Variants in ASIC2 observed in about 807,000 individuals in gnomAD.
ASIC2 encodes the protein acid-sensing ion channel 2.
In ASIC2, 25 loss-of-function variants were observed where a neutral mutation model predicts 57.3. The observed-to-expected ratio is 0.44, with a 90% CI of 0.32 to 0.61. The LOEUF is 0.61. ASIC2 is among the 20% of genes least tolerant of loss of function. ASIC2 has a pLI of 0.06. For missense variants in ASIC2, 641 were observed against 738.1 expected (o/e 0.87, Z 1.52); for synonymous variants, 319 against 307.5 (o/e 1.04, Z -0.39).
At chr17:33,902,819 G>A (rs771769993) in intron 1 of ASIC2, among the ~76,000 whole-genome samples, 4 of 152,132 alleles carry the variant, frequency 2.6e-5, no homozygotes, top group Non-Finnish European at 5.9e-5. Flanking sequence ...TAGAAATTCA[G>A]CCAGAACTGT....
chr17:33,959,014 C>A (rs1237252956), intron 1 of ASIC2, among the ~76,000 whole-genome samples: 1 of 152,138 alleles, frequency 6.6e-6, no homozygotes, highest in Non-Finnish European at 1.5e-5. Context: ...AAAAGCATAA[C>A]AAGAGTGACC....
rs1915186978 is a variant in ASIC2, at chr17:33,899,605, T to C, written c.555+256373A>G. On this transcript the variant is annotated intron_variant, in intron 1 of 9. Transcript: ENST00000359872. ...GAGAGAGATTGGACGTGTGATTATGTGGACTACCTCTGATAAAGAGGTCTA... is the reference window on the plus strand; with the variant it reads ...GAGAGAGATTGGACGTGTGATTATGCGGACTACCTCTGATAAAGAGGTCTA... Among the ~76,000 whole-genome samples the C allele has an allele frequency of 2.0e-5, 3 of 152,136 alleles. 1 individual carries two copies. In the South Asian group the frequency reaches 6.2e-4, roughly 31 times the overall value.
At chr17:33,218,121 TA>T (rs1450611148) in intron 1 of ASIC2, among the ~76,000 whole-genome samples, 1 of 152,254 alleles carries the variant, frequency 6.6e-6, no homozygotes, top group East Asian at 1.9e-4. Flanking sequence ...TGTTTTTATT[TA>T]AAATAAATCG....
At chr17:33,662,653 AAATAAATAAATAAAT>A (rs1354793837) in intron 1 of ASIC2, among the ~76,000 whole-genome samples, 10 of 144,774 alleles carry the variant, frequency 6.9e-5, no homozygotes, top group African/African-American at 1.3e-4. Flanking sequence ...ATAAATAAAT[AAATAAATAAATAAAT>A]AAGTAAAATA....
chr17:33,701,823 T>C (rs1908710531), intron 1 of ASIC2, among the ~76,000 whole-genome samples: 1 of 152,268 alleles, frequency 6.6e-6, no homozygotes, highest in South Asian at 2.1e-4. Flanking sequence ...AATGTCTTTT[T>C]GCAAAGAATA....
chr17:33,013,813 G>A lies in ASIC2; in HGVS notation c.*152C>T. On this transcript the variant is annotated 3_prime_UTR_variant, in exon 10 of 10. Coordinates refer to ENST00000225823, the MANE Select transcript of ASIC2 (RefSeq NM_183377.2). ...ATGCGTCGTGTTGGACGTGGCCGGAGCGAGGTCTAGGCAGCTAGTCTGCAA... is the reference window on the plus strand; with the variant it reads ...ATGCGTCGTGTTGGACGTGGCCGGAACGAGGTCTAGGCAGCTAGTCTGCAA... 1.5e-6 allele frequency: 1 copy of A among 686,610 alleles called. No individual in the cohort carries two copies. The highest frequency in any genetic ancestry group is 2.6e-6 in the Non-Finnish European group (1 of 391,742). 42.5% of individuals were successfully genotyped at this position (686,610 alleles called of 1,614,324 possible).
At chr17:33,261,386 T>G (rs1909274394) in intron 1 of ASIC2, among the ~76,000 whole-genome samples, 1 of 152,224 alleles carries the variant, frequency 6.6e-6, no homozygotes, top group Non-Finnish European at 1.5e-5. Flanking sequence ...TCCCTGGTGC[T>G]AGGTGCTGGG....
chr17:33,240,864 A>G (rs1464856269), intron 1 of ASIC2, among the ~76,000 whole-genome samples: 2 of 152,140 alleles, frequency 1.3e-5, no homozygotes, highest in African/African-American at 2.4e-5. Flanking sequence ...AGCAAAGCAA[A>G]CAAACAAACA....
At chr17:34,132,360 G>A (rs1048782905) in intron 1 of ASIC2, among the ~76,000 whole-genome samples, 5 of 152,166 alleles carry the variant, frequency 3.3e-5, no homozygotes, top group East Asian at 1.9e-4. Flanking sequence ...CTTCCACAGC[G>A]TGGAAGGACA....
chr17:33,096,007 A>G (rs974117089), intron 2 of ASIC2, among the ~76,000 whole-genome samples: 2 of 152,214 alleles, frequency 1.3e-5, no homozygotes, highest in Non-Finnish European at 2.9e-5. Flanking sequence ...ACCACTGTCA[A>G]GCACCTGCTG....
intron 1 of ASIC2, among the ~76,000 whole-genome samples, chr17:33,574,946 T>G (rs1916570682): frequency 6.6e-6 from 1 of 151,828 alleles, no homozygotes; most frequent in Non-Finnish European, 1.5e-5. Flanking sequence ...CCAAGGACAC[T>G]CAACCAATAA....
chr17:33,901,572 T>G (rs1414064402), intron 1 of ASIC2, among the ~76,000 whole-genome samples: 1 of 152,218 alleles, frequency 6.6e-6, no homozygotes, highest in Non-Finnish European at 1.5e-5. Flanking sequence ...ACACAGTTCC[T>G]GCAAAGCCAC....
chr17:34,099,235 AAG>A (rs761750777), intron 1 of ASIC2, among the ~76,000 whole-genome samples: 70 of 148,962 alleles, frequency 4.7e-4, no homozygotes, highest in African/African-American at 1.4e-3. Flanking sequence ...AGAAAAAAGA[AAG>A]AGAGAAAGGA....
intron 1 of ASIC2, among the ~76,000 whole-genome samples, chr17:33,967,946 C>T (rs1905121429): frequency 6.6e-6 from 1 of 152,172 alleles, no homozygotes; most frequent in Admixed American, 6.5e-5. Flanking sequence ...CTCACATTGT[C>T]ATTCTGTTCA....
chr17:33,062,169 T>G (rs2092023486), intron 3 of ASIC2, among the ~76,000 whole-genome samples: 1 of 152,234 alleles, frequency 6.6e-6, no homozygotes, highest in South Asian at 2.1e-4. Context: ...CCTTCAGTTC[T>G]GCTCTGATCT....
At chr17:33,870,426 A>C (rs1321783531) in intron 1 of ASIC2, among the ~76,000 whole-genome samples, 1 of 152,024 alleles carries the variant, frequency 6.6e-6, no homozygotes, top group Non-Finnish European at 1.5e-5. Context: ...ATCACAGCCC[A>C]CAACACTTTG....
intron 1 of ASIC2, among the ~76,000 whole-genome samples, chr17:33,437,148 A>G (rs916746975): frequency 2.0e-5 from 3 of 151,702 alleles, no homozygotes; most frequent in African/African-American, 7.3e-5. Context: ...TACAGGCGTG[A>G]GCCACCGCGC....
chr17:33,533,421 G>A (rs1915121823), intron 1 of ASIC2: 1 of 152,194 alleles, frequency 6.6e-6, no homozygotes, highest in Admixed American at 6.5e-5. Flanking sequence ...CCATAATCAA[G>A]TATATGAAAT....
chr17:33,396,358 TC>T (rs1597713291), intron 1 of ASIC2, among the ~76,000 whole-genome samples: 3 of 152,204 alleles, frequency 2.0e-5, no homozygotes, highest in Admixed American at 6.5e-5. Flanking sequence ...GATCAAAATA[TC>T]ACATTTCCTG....
Sources: allele counts gnomAD v4.1 joint callset (sites outside exome capture counted in the v4.1 genomes callset), GRCh38; gene constraint gnomAD v4.1.1; transcripts MANE v1.5; gene names NCBI Gene and HGNC (gene_info 2026-07-23, HGNC 2026-07-21).